FUT9: variants seen among roughly 807,000 people sequenced by gnomAD.
FUT9 encodes 4-galactosyl-N-acetylglucosaminide 3-alpha-L-fucosyltransferase 9.
FUT9 carries 15 observed loss-of-function variants against 29.7 expected under a neutral mutation model. The observed-to-expected ratio is 0.51, with a 90% confidence interval of 0.34 to 0.78. The LOEUF (loss-of-function observed/expected upper bound fraction) is 0.78, where lower values mean the gene tolerates loss of function less well. Ranked by LOEUF, FUT9 falls within the 30% of genes least tolerant of loss-of-function variation. The probability of loss-of-function intolerance (pLI) is 0.01; values close to 1 mark genes in which losing one functional copy is unlikely to be tolerated. For missense variants in FUT9, 319 were observed against 425.4 expected, an observed-to-expected ratio of 0.75 and a Z score of 2.20; for synonymous variants, 169 against 153.7, an observed-to-expected ratio of 1.10 and a Z score of -0.74.
chr6:96,130,712 A>G (rs990698111), intron 2 of FUT9, among the ~76,000 whole-genome samples: 2 of 152,148 alleles, frequency 1.3e-5, no homozygotes, highest in Non-Finnish European at 2.9e-5. Context: ...CTTTGACACA[A>G]TTTTAATTGA....
intron 1 of FUT9, among the ~76,000 whole-genome samples, chr6:96,052,833 C>T (rs969952793): frequency 4.6e-5 from 7 of 152,038 alleles, no homozygotes; most frequent in Admixed American, 3.9e-4. Context: ...GTCAACTTTT[C>T]TTCATGAAGG....
At chr6:96,170,911 T>G (rs1048938940) in intron 2 of FUT9, among the ~76,000 whole-genome samples, 1 of 152,170 alleles carries the variant, frequency 6.6e-6, no homozygotes, top group Non-Finnish European at 1.5e-5. Context: ...ATGAAGTAAC[T>G]GTCTACACTT....
intron 2 of FUT9, among the ~76,000 whole-genome samples, chr6:96,167,944 C>T (rs370398674): frequency 1.3e-5 from 2 of 152,010 alleles, no homozygotes; most frequent in Non-Finnish European, 2.9e-5. Context: ...TCACTGAAGG[C>T]GAGACTATAA....
intron 1 of FUT9, among the ~76,000 whole-genome samples, chr6:96,112,934 T>C (rs151317122): frequency 1.3e-5 from 2 of 152,352 alleles, no homozygotes; most frequent in African/African-American, 2.4e-5. Context: ...CCTCTGTTTA[T>C]ATTAATCATG....
chr6:96,132,222 A>T (rs1413724448), intron 2 of FUT9, among the ~76,000 whole-genome samples: 1 of 152,034 alleles, frequency 6.6e-6, no homozygotes, highest in African/African-American at 2.4e-5. Context: ...GGGAGATAGG[A>T]ATTCTTTTCC....
intron 1 of FUT9, among the ~76,000 whole-genome samples, chr6:96,077,012 C>CA (rs764232609): frequency 7.2e-5 from 11 of 152,042 alleles, no homozygotes; most frequent in Admixed American, 2.6e-4. Context: ...TTATATAATA[C>CA]AAAAAGTCTA....
intron 1 of FUT9, among the ~76,000 whole-genome samples, chr6:96,078,454 T>C (rs1337067842): frequency 2.5e-5 from 3 of 120,010 alleles, no homozygotes; most frequent in Admixed American, 1.1e-4. Flanking sequence ...GGAGCCTCGC[T>C]CTGTCCCACA....
intron 1 of FUT9, among the ~76,000 whole-genome samples, chr6:96,071,044 A>T (rs12524338): frequency 0.27 from 41,080 of 152,196 alleles, 6,369 homozygotes; most frequent in Non-Finnish European, 0.34. Flanking sequence ...ATGAAAAGTG[A>T]CATTAAAACA....
chr6:96,110,555 C>T (rs767482016), intron 1 of FUT9, among the ~76,000 whole-genome samples: 1 of 152,128 alleles, frequency 6.6e-6, no homozygotes, highest in Admixed American at 6.6e-5. Flanking sequence ...GGATTGGCCT[C>T]GACAAGCTGG....
chr6:96,047,525 C>G (rs1770584703), intron 1 of FUT9, among the ~76,000 whole-genome samples: 1 of 152,034 alleles, frequency 6.6e-6, no homozygotes, highest in Non-Finnish European at 1.5e-5. Context: ...CACTTAAAAA[C>G]CAAAATTTTG....
At chr6:96,065,665 C>T (rs1198355456) in intron 1 of FUT9, among the ~76,000 whole-genome samples, 4 of 152,094 alleles carry the variant, frequency 2.6e-5, no homozygotes, top group African/African-American at 9.7e-5. Flanking sequence ...AACATTTCCT[C>T]CTTTGGGATA....
chr6:96,211,096 C>T lies in FUT9; in HGVS notation c.*6861C>T, dbSNP rs1401889645. 5 of 166,592 alleles carry T rather than the reference C, an allele frequency of 3.0e-5. No individual in the cohort carries two copies. The highest frequency in any genetic ancestry group is 6.6e-5 in the Admixed American group (1 of 15,196). 10.3% of individuals were successfully genotyped at this position (166,592 alleles called of 1,614,324 possible). On this transcript the variant is annotated 3_prime_UTR_variant, in exon 3 of 3. Coordinates refer to ENST00000302103, the MANE Select transcript of FUT9 (RefSeq NM_006581.4). ...GGAATCATTGAAATTTTATACAAGC[C>T]GAAGGAACAACATTCAGCAAAACGG...
chr6:96,127,123 A>C (rs1772147698), intron 2 of FUT9, among the ~76,000 whole-genome samples: 1 of 152,130 alleles, frequency 6.6e-6, no homozygotes, highest in Admixed American at 6.5e-5. Flanking sequence ...TGGACAGATT[A>C]TTTCTTTACC....
At chr6:96,094,390 G>C (rs1020893742) in intron 1 of FUT9, among the ~76,000 whole-genome samples, 10 of 152,202 alleles carry the variant, frequency 6.6e-5, no homozygotes, top group Middle Eastern at 3.4e-3. Context: ...AAGGATGCTG[G>C]CTATTTGGAT....
intron 1 of FUT9, among the ~76,000 whole-genome samples, chr6:96,071,756 T>A (rs1771066928): frequency 6.6e-6 from 1 of 152,190 alleles, no homozygotes; most frequent in Non-Finnish European, 1.5e-5. Flanking sequence ...AGCCAATCAA[T>A]AATTATATAA....
rs149680737 is a variant in FUT9 at position 96,197,775 on chromosome 6, G to C, written c.-8-5373G>C. 3.0e-4 allele frequency among the ~76,000 whole-genome samples: 45 copies of C among 152,302 alleles called. 1 individual carries two copies. Among genetic ancestry groups the C allele is most frequent in the African/African-American group, 6.0e-4 (25 of 41,566 alleles). On this transcript the variant is annotated intron_variant, in intron 2 of 2. Transcript: ENST00000302103. ...ATAGGGGAGGTGGGTTGAAGAGGTA[G>C]GTAGTGGCTGCAATCTGGGAATAAT...
chr6:96,163,529 T>C (rs1317584240), intron 2 of FUT9, among the ~76,000 whole-genome samples: 1 of 152,172 alleles, frequency 6.6e-6, no homozygotes, highest in African/African-American at 2.4e-5. Flanking sequence ...GTGTTCAAAC[T>C]GTGTTCAAAT....
intron 2 of FUT9, among the ~76,000 whole-genome samples, chr6:96,191,872 T>G (rs1773517451): frequency 6.6e-6 from 1 of 152,158 alleles, no homozygotes; most frequent in Non-Finnish European, 1.5e-5. Context: ...GTCGGCTTCA[T>G]CCCTGGGATG....
intron 2 of FUT9, among the ~76,000 whole-genome samples, chr6:96,173,614 A>G (rs1188014648): frequency 6.6e-6 from 1 of 152,142 alleles, no homozygotes; most frequent in East Asian, 1.9e-4. Context: ...CAACAAAAAA[A>G]AGAAAAAACT....
Sources: allele counts gnomAD v4.1 joint callset (sites outside exome capture counted in the v4.1 genomes callset), GRCh38; gene constraint gnomAD v4.1.1; transcripts MANE v1.5; gene names NCBI Gene and HGNC (gene_info 2026-07-23, HGNC 2026-07-21).